KDM4E: variants seen among roughly 807,000 people sequenced by gnomAD.
KDM4E encodes lysine-specific demethylase 4E.
For synonymous variants in KDM4E, 229 were observed against 232.9 expected, an observed-to-expected ratio of 0.98 and a Z score of 0.15; for missense variants, 576 against 642.6, an observed-to-expected ratio of 0.90 and a Z score of 1.12.
Position 95,025,684 on chromosome 11 carries a change from G to T in KDM4E, c.127G>T (p.Ala43Ser). Residue 43 changes from alanine to serine, a missense_variant, in exon 1 of 1, where the codon GCT (alanine) becomes TCT (serine). By Grantham distance (99) the Ala-to-Ser change is moderately conservative. Coordinates refer to ENST00000450979, the MANE Select transcript of KDM4E (RefSeq NM_001161630.1). ...CATGGAGTCCCAAGGCGCACATCAAGCTGGCCTTGCCAAGGTAATTCCACC... is the reference window on the plus strand; with the variant it reads ...CATGGAGTCCCAAGGCGCACATCAATCTGGCCTTGCCAAGGTAATTCCACC... Reference protein sequence around the residue: ...AYMESQGAHQAGLAKVIPPKE... With the variant: ...AYMESQGAHQSGLAKVIPPKE... The T allele has an allele frequency of 1.3e-6, 2 of 1,553,764 alleles. No individual in the cohort carries two copies. The highest frequency in any genetic ancestry group is 2.4e-5 in the East Asian group (1 of 42,392).
At position 95,026,014 on chromosome 11, in the gene KDM4E, C is replaced by T; in HGVS notation, c.457C>T (p.His153Tyr). Residue 153 changes from histidine (H) to tyrosine (Y), a missense_variant, in exon 1 of 1, where the codon CAC (histidine) becomes TAC (tyrosine). His to Tyr is a moderately conservative substitution (Grantham distance 83). Transcript: ENST00000450979. The stretch of plus-strand genomic sequence containing the variant: ...AAGCACTAAACAATGGAACCTAGGA[C>T]ACCTGGGAACAATTCTGGACCTGTT... ...EESTKQWNLG[H>Y]LGTILDLLEQ... 6.2e-7 allele frequency: 1 copy of T among 1,608,426 alleles called. No individual in the cohort carries two copies.
chr11:95,025,551 T>G lies in KDM4E; in HGVS notation c.-7T>G. ...ACGTGGGAGTCAGCTGCTTCTTGTG[T>G]GCAGCCATGAAGTCTGTGCACTCCA... On this transcript the variant is annotated 5_prime_UTR_variant, in exon 1 of 1. Transcript: ENST00000450979. 6.6e-7 allele frequency: 1 copy of G among 1,518,834 alleles called. No homozygotes were observed. The highest frequency in any genetic ancestry group is 8.8e-7 in the Non-Finnish European group (1 of 1,132,886). 94.1% of individuals were successfully genotyped at this position (1,518,834 alleles called of 1,614,324 possible).
Position 95,026,069 on chromosome 11 carries a change from G to T in KDM4E, c.512G>T (p.Gly171Val), listed in dbSNP as rs1555102728. ...CAGGAATGTGGGGTTGTCATCGAGGGTGTCAACACACCCTACCTGTACTTT... is the reference window on the plus strand; with the variant it reads ...CAGGAATGTGGGGTTGTCATCGAGGTTGTCAACACACCCTACCTGTACTTT... ...LEQECGVVIE[G>V]VNTPYLYFGM... The change falls in exon 1 of 1, where the codon GGT (glycine) becomes GTT (valine). Residue 171 changes from glycine to valine, a missense_variant. Gly to Val is a moderately radical substitution (Grantham distance 109). Coordinates refer to ENST00000450979, the MANE Select transcript of KDM4E (RefSeq NM_001161630.1). The T allele has an allele frequency of 3.7e-6, 6 of 1,613,694 alleles. No homozygotes were observed. Among genetic ancestry groups the T allele is most frequent in the Admixed American group, 3.3e-5 (2 of 59,970 alleles).
At position 95,027,033 on chromosome 11, in the gene KDM4E, T is replaced by C. The variant is rs1858279511; in HGVS notation, c.1476T>C (p.Pro492=). ...GGAGTAGAGCTCAAGGCCACAGGCC[T>C]CAGCTCCCGCTTGCCAATGATTTGA... ...GTRSRAQGHR[P]QLPLANDLMT... Residue 492 remains proline (P), a synonymous_variant, in exon 1 of 1, where the codon CCT becomes CCC. Transcript: ENST00000450979. 6.5e-7 allele frequency: 1 copy of C among 1,537,226 alleles called. No homozygotes were observed. Among genetic ancestry groups the C allele is most frequent in the African/African-American group, 1.4e-5 (1 of 73,162 alleles).
In KDM4E at chr11:95,026,332, A is replaced by G. The variant is rs1858265486; in HGVS notation, c.775A>G (p.Asn259Asp). The change falls in exon 1 of 1, where the codon AAT (asparagine) becomes GAT (aspartate). Residue 259 changes from asparagine (N) to aspartate (D), a missense_variant. Physicochemically the swap from Asn to Asp is conservative, Grantham distance 23 (BLOSUM62 1). Transcript: ENST00000450979. Reference sequence around the variant, plus strand: ...TCTCAAGGAAAATGGGATTCCCTTCAATTGCATGACTCAGGAGGCTGGGGA... The same window carrying G: ...TCTCAAGGAAAATGGGATTCCCTTCGATTGCATGACTCAGGAGGCTGGGGA... Reference protein sequence around the residue: ...TVLKENGIPFNCMTQEAGEFM... With the variant: ...TVLKENGIPFDCMTQEAGEFM... 1 of 1,613,932 alleles carries G rather than the reference A, an allele frequency of 6.2e-7. No homozygotes were observed. The highest frequency in any genetic ancestry group is 1.1e-5 in the South Asian group (1 of 91,074).
chr11:95,026,445 A>T lies in KDM4E; in HGVS notation c.888A>T (p.Arg296=). 1 of 1,611,182 alleles carries T rather than the reference A, an allele frequency of 6.2e-7. No homozygotes were observed. Among genetic ancestry groups the T allele is most frequent in the Non-Finnish European group, 8.5e-7 (1 of 1,179,970 alleles). The stretch of plus-strand genomic sequence containing the variant: ...AAGCCATTAATTTTGCCACTCCACG[A>T]TGGATTGATTATGGCAAAATGGCCT... The part of the protein sequence containing the change: ...CAEAINFATP[R]WIDYGKMASQ... Residue 296 remains arginine (R), a synonymous_variant, in exon 1 of 1, where the codon CGA becomes CGT. Transcript: ENST00000450979.
In KDM4E at chr11:95,027,026, A is replaced by T; in HGVS notation, c.1469A>T (p.His490Leu). Residue 490 changes from histidine to leucine, a missense_variant, in exon 1 of 1, where the codon CAC becomes CTC. Coordinates refer to ENST00000450979, the MANE Select transcript of KDM4E (RefSeq NM_001161630.1). ...LMGTRSRAQG[H>L]RPQLPLANDL... ...GGTACAAGGAGTAGAGCTCAAGGCC[A>T]CAGGCCTCAGCTCCCGCTTGCCAAT... The T allele has an allele frequency of 6.5e-7, 1 of 1,537,222 alleles. No individual in the cohort carries two copies. The highest frequency in any genetic ancestry group is 8.7e-7 in the Non-Finnish European group (1 of 1,146,892).
In KDM4E at chr11:95,025,676, C is replaced by T. The variant is rs1424049110; in HGVS notation, c.119C>T (p.Ala40Val). The change falls in exon 1 of 1, where the codon GCA (alanine) becomes GTA (valine). Residue 40 changes from alanine to valine, a missense_variant. Physicochemically the swap from Ala to Val is moderately conservative, Grantham distance 64 (BLOSUM62 0). Transcript: ENST00000450979. ...TYVAYMESQG[A>V]HQAGLAKVIP... ...GTTGCTTACATGGAGTCCCAAGGCG[C>T]ACATCAAGCTGGCCTTGCCAAGGTA... 4.5e-6 allele frequency: 7 copies of T among 1,550,516 alleles called. No individual in the cohort carries two copies. Among genetic ancestry groups the T allele is most frequent in the African/African-American group, 2.7e-5 (2 of 73,222 alleles).
At position 95,026,528 on chromosome 11, in the gene KDM4E, T is replaced by C. The variant is rs1555102899; in HGVS notation, c.971T>C (p.Ile324Thr). Reference protein sequence around the residue: ...VTFSMDPFVRIVQPESYELWK... With the variant: ...VTFSMDPFVRTVQPESYELWK... The stretch of plus-strand genomic sequence containing the variant: ...TTTTCCATGGACCCCTTTGTGCGCA[T>C]TGTGCAACCCGAGAGTTATGAGCTC... Residue 324 changes from isoleucine (I) to threonine (T), a missense_variant, in exon 1 of 1, where the codon ATT (isoleucine) becomes ACT (threonine). Physicochemically the swap from Ile to Thr is moderately conservative, Grantham distance 89. Transcript: ENST00000450979. 6 of 1,563,854 alleles carry C rather than the reference T, an allele frequency of 3.8e-6. No homozygotes were observed. The highest frequency in any genetic ancestry group is 1.2e-5 in the South Asian group (1 of 86,612).
chr11:95,027,222 C>T lies in KDM4E; in HGVS notation c.*144C>T, dbSNP rs1354380157. ...CCTCAACAGCACTACTAGTAATCTCCCTGATGTTGTCTGCATGACTCCTCC... is the reference window on the plus strand; with the variant it reads ...CCTCAACAGCACTACTAGTAATCTCTCTGATGTTGTCTGCATGACTCCTCC... On this transcript the variant is annotated 3_prime_UTR_variant, in exon 1 of 1. Coordinates refer to ENST00000450979, the MANE Select transcript of KDM4E (RefSeq NM_001161630.1). 7 of 1,139,524 alleles carry T rather than the reference C, an allele frequency of 6.1e-6. No homozygotes were observed. Among genetic ancestry groups the T allele is most frequent in the Non-Finnish European group, 8.4e-6 (7 of 829,490 alleles). 70.6% of individuals were successfully genotyped at this position (1,139,524 alleles called of 1,614,324 possible). A position where few individuals can be genotyped will look rare whatever the true frequency, so the allele number is the denominator to read the frequency against.
In KDM4E at chr11:95,027,179, T is replaced by C; in HGVS notation, c.*101T>C. ...TGGATCGTGATGAAACCATGCACCC[T>C]GGCCTGTGCCTGCTATCCCTCAACA... On this transcript the variant is annotated 3_prime_UTR_variant, in exon 1 of 1. Coordinates refer to ENST00000450979, the MANE Select transcript of KDM4E (RefSeq NM_001161630.1). 7.0e-7 allele frequency: 1 copy of C among 1,434,866 alleles called. No individual in the cohort carries two copies. Among genetic ancestry groups the C allele is most frequent in the Non-Finnish European group, 9.2e-7 (1 of 1,090,412 alleles). 88.9% of individuals were successfully genotyped at this position (1,434,866 alleles called of 1,614,324 possible). A position where few individuals can be genotyped will look rare whatever the true frequency, so the allele number is the denominator to read the frequency against.
chr11:95,025,850 A>T lies in KDM4E; in HGVS notation c.293A>T (p.Tyr98Phe). The T allele has an allele frequency of 6.3e-7, 1 of 1,596,392 alleles. No individual in the cohort carries two copies. Among genetic ancestry groups the T allele is most frequent in the Non-Finnish European group, 8.5e-7 (1 of 1,176,812 alleles). Residue 98 changes from tyrosine to phenylalanine, a missense_variant, in exon 1 of 1, where the codon TAT (tyrosine) becomes TTT (phenylalanine). Transcript: ENST00000450979. ...KKKKAMRVGQ[Y>F]RRLANSKKYQ... ...AAGAAAGCCATGAGGGTGGGGCAGTATCGCCGCTTGGCAAACAGTAAAAAA... is the reference window on the plus strand; with the variant it reads ...AAGAAAGCCATGAGGGTGGGGCAGTTTCGCCGCTTGGCAAACAGTAAAAAA...
chr11:95,025,531 G>A lies in KDM4E; in HGVS notation c.-27G>A. On this transcript the variant is annotated 5_prime_UTR_variant, in exon 1 of 1. Coordinates refer to ENST00000450979, the MANE Select transcript of KDM4E (RefSeq NM_001161630.1). ...CATCTAGAGGACACCCAAGAACGTG[G>A]GAGTCAGCTGCTTCTTGTGTGCAGC... The A allele has an allele frequency of 6.6e-7, 1 of 1,509,156 alleles. No homozygotes were observed. Among genetic ancestry groups the A allele is most frequent in the South Asian group, 1.2e-5 (1 of 80,876 alleles). 93.5% of individuals were successfully genotyped at this position (1,509,156 alleles called of 1,614,324 possible).
chr11:95,026,612 G>A lies in KDM4E; in HGVS notation c.1055G>A (p.Ser352Asn), dbSNP rs782203807. Residue 352 changes from serine to asparagine, a missense_variant, in exon 1 of 1, where the codon AGC becomes AAC. Transcript: ENST00000450979. ...VEHTEPRVAE[S>N]QELSNWRDDI... ...CACACAGAGCCCAGGGTTGCAGAAA[G>A]CCAAGAGCTGAGCAACTGGAGAGAT... 3 of 1,537,314 alleles carry A rather than the reference G, an allele frequency of 2.0e-6. No homozygotes were observed. The highest frequency in any genetic ancestry group is 2.6e-6 in the Non-Finnish European group (3 of 1,146,948).
chr11:95,026,748 T>C lies in KDM4E; in HGVS notation c.1191T>C (p.Cys397=). Residue 397 remains cysteine, a synonymous_variant, in exon 1 of 1, where the codon TGT becomes TGC. Transcript: ENST00000450979. The part of the protein sequence containing the change: ...SSGHCYNPKG[C]GTDAVPGSAF... ...GGCACTGTTACAACCCAAAAGGCTG[T>C]GGCACTGATGCTGTGCCTGGATCCG... 1 of 1,537,302 alleles carries C rather than the reference T, an allele frequency of 6.5e-7. No homozygotes were observed. Among genetic ancestry groups the C allele is most frequent in the Non-Finnish European group, 8.7e-7 (1 of 1,146,918 alleles).
In KDM4E at chr11:95,027,041, C is replaced by T. The variant is rs868990354; in HGVS notation, c.1484C>T (p.Pro495Leu). 31 of 1,537,032 alleles carry T rather than the reference C, an allele frequency of 2.0e-5. No individual in the cohort carries two copies. Among genetic ancestry groups the T allele is most frequent in the Middle Eastern group, 1.7e-4 (1 of 6,012 alleles). Residue 495 changes from proline to leucine, a missense_variant, in exon 1 of 1, where the codon CCG becomes CTG. Transcript: ENST00000450979. The stretch of plus-strand genomic sequence containing the variant: ...GCTCAAGGCCACAGGCCTCAGCTCC[C>T]GCTTGCCAATGATTTGATGACAAAT... ...SRAQGHRPQL[P>L]LANDLMTNLS... is the part of the protein sequence containing the mutation.
In KDM4E at chr11:95,026,947, C is replaced by G. The variant is rs1858277730; in HGVS notation, c.1390C>G (p.Leu464Val). The change falls in exon 1 of 1, where the codon CTG becomes GTG. Residue 464 changes from leucine to valine, a missense_variant. By Grantham distance (32) the Leu-to-Val change is conservative. Transcript: ENST00000450979. ...TGGTCATGGTTGTTGTACTCGAGAA[C>G]TGGGGACTGAGGAGCCAACTGTTCA... ...GRGHGCCTRELGTEEPTVQPA... is the reference protein window; with the variant it reads ...GRGHGCCTREVGTEEPTVQPA... 6.5e-7 allele frequency: 1 copy of G among 1,537,090 alleles called. No individual in the cohort carries two copies. Among genetic ancestry groups the G allele is most frequent in the African/African-American group, 1.4e-5 (1 of 73,028 alleles).
Position 95,027,160 on chromosome 11 carries a change from G to T in KDM4E, c.*82G>T. On this transcript the variant is annotated 3_prime_UTR_variant, in exon 1 of 1. Coordinates refer to ENST00000450979, the MANE Select transcript of KDM4E (RefSeq NM_001161630.1). The stretch of plus-strand genomic sequence containing the variant: ...CAACTCCTGGGGCCCCCACTGGATC[G>T]TGATGAAACCATGCACCCTGGCCTG... The T allele has an allele frequency of 6.7e-7, 1 of 1,484,858 alleles. No homozygotes were observed. The highest frequency in any genetic ancestry group is 8.9e-7 in the Non-Finnish European group (1 of 1,123,010). The allele number at this position is 1,484,858 out of a possible 1,614,324, so 92.0% of individuals were successfully genotyped here. A position where few individuals can be genotyped will look rare whatever the true frequency, so the allele number is the denominator to read the frequency against.
Position 95,025,718 on chromosome 11 carries a change from G to A in KDM4E, c.161G>A (p.Trp54Ter), listed in dbSNP as rs1555102600. ...GCCAAGGTAATTCCACCCAAGGAATGGAAAGCCAGACAGATGTATGATGAT... is the reference window on the plus strand; with the variant it reads ...GCCAAGGTAATTCCACCCAAGGAATAGAAAGCCAGACAGATGTATGATGAT... ...GLAKVIPPKE[W>*]KARQMYDDIE... is the part of the protein sequence containing the mutation. The change falls in exon 1 of 1, where the codon TGG (tryptophan) becomes TAG (stop). Residue 54 changes from tryptophan (W) to a stop codon, truncating the protein, a stop_gained. Transcript: ENST00000450979. LOFTEE classifies it low-confidence loss of function (END_TRUNC). 4.5e-6 allele frequency: 7 copies of A among 1,570,272 alleles called. No individual in the cohort carries two copies. Among genetic ancestry groups the A allele is most frequent in the Middle Eastern group, 1.7e-4 (1 of 6,054 alleles).
Sources: allele counts gnomAD v4.1 joint callset, GRCh38; gene constraint gnomAD v4.1.1; transcripts MANE v1.5; gene names NCBI Gene and HGNC (gene_info 2026-07-23, HGNC 2026-07-21).